METTL13: variants seen among roughly 807,000 people sequenced by gnomAD.
METTL13 encodes the protein eEF1A lysine and N-terminal methyltransferase.
Under a neutral mutation model 67.4 loss-of-function variants are expected in METTL13, and 52 were observed. The ratio of observed to expected loss-of-function variants is 0.77; its 90% CI spans 0.62 to 0.97. METTL13 has a LOEUF of 0.97. Among genes scored for constraint, METTL13 ranks in the 50% least tolerant of loss-of-function variants. METTL13 has a pLI of 0.00. For missense variants in METTL13, 825 were observed against 889.6 expected, an observed-to-expected ratio of 0.93 and a Z score of 0.92; for synonymous variants, 354 against 353.6, an observed-to-expected ratio of 1.00 and a Z score of -0.01.
chr1:171,782,176 A>C, intron 1 of METTL13, 56 bp downstream of exon 1: 1 of 1,492,094 alleles, frequency 6.7e-7, no homozygotes, highest in Admixed American at 1.7e-5. Flanking sequence ...GGGAACTGGT[A>C]ACAGGAATCT....
rs762636137 is a variant in METTL13, at chr1:171,784,145, G to A, written c.559G>A (p.Ala187Thr). Residue 187 changes from alanine to threonine, a missense_variant, in exon 2 of 8, where the codon GCC (alanine) becomes ACC (threonine). Coordinates refer to ENST00000361735, the MANE Select transcript of METTL13 (RefSeq NM_015935.5). ...GTGGATGGTGAGGGTGCACCAAGTG[G>A]CCAACAGCCAGGACCAGGTGTTGGA... is the stretch of plus-strand genomic sequence containing the variant. ...EGWMVRVHQV[A>T]NSQDQVLEAE... 7 of 1,614,124 alleles carry A rather than the reference G, an allele frequency of 4.3e-6. No individual in the cohort carries two copies. In the East Asian group the frequency reaches 1.3e-4, roughly 31 times the overall value.
intron 3 of METTL13, 96 bp downstream of exon 3, chr1:171,786,174 T>A: frequency 3.9e-6 from 5 of 1,282,330 alleles, no homozygotes; most frequent in Non-Finnish European, 5.3e-6. Context: ...GACTAGAGTC[T>A]GTGACTCTTC....
At chr1:171,788,513 C>T (rs1233894122) in intron 4 of METTL13, among the ~76,000 whole-genome samples, 1 of 152,150 alleles carries the variant, frequency 6.6e-6, no homozygotes, top group African/African-American at 2.4e-5. Flanking sequence ...ATTTATATTT[C>T]AACAGCCATA....
chr1:171,789,291 A>T (rs1657123710), intron 4 of METTL13, among the ~76,000 whole-genome samples: 1 of 152,220 alleles, frequency 6.6e-6, no homozygotes, highest in Admixed American at 6.5e-5. Context: ...AATGCAGCTG[A>T]TCCCTATGAA....
At chr1:171,786,178 A>G (rs1427151563) in intron 3 of METTL13, 100 bp downstream of exon 3, 1 of 1,253,162 alleles carries the variant, frequency 8.0e-7, no homozygotes, top group Non-Finnish European at 1.1e-6. Context: ...AGAGTCTGTG[A>G]CTCTTCATCT....
In METTL13 at chr1:171,794,461, T is replaced by G; in HGVS notation, c.1759T>G (p.Cys587Gly). ...DSKDPTLGMS[C>G]PPPAFVEQSF... Reference sequence around the variant, plus strand: ...TAAGGACCCAACACTGGGAATGAGTTGTCCGCCCCCAGCATTTGTGGAGCA... The same window carrying G: ...TAAGGACCCAACACTGGGAATGAGTGGTCCGCCCCCAGCATTTGTGGAGCA... The change falls in exon 7 of 8, where the codon TGT (cysteine) becomes GGT (glycine). Residue 587 changes from cysteine to glycine, a missense_variant. Physicochemically the swap from Cys to Gly is radical, Grantham distance 159 (BLOSUM62 -3). Transcript: ENST00000361735. 3.1e-6 allele frequency: 5 copies of G among 1,614,234 alleles called. No homozygotes were observed. Among genetic ancestry groups the G allele is most frequent in the Non-Finnish European group, 4.2e-6 (5 of 1,180,030 alleles).
chr1:171,786,170 AGTCTGT>A, intron 3 of METTL13, 92 bp downstream of exon 3: 1 of 1,315,206 alleles, frequency 7.6e-7, no homozygotes, highest in Non-Finnish European at 1.0e-6. Flanking sequence ...CTAGGACTAG[AGTCTGT>A]GACTCTTCAT....
intron 2 of METTL13, 70 bp downstream of exon 2, chr1:171,784,569 TG>T: frequency 7.2e-7 from 1 of 1,390,686 alleles, no homozygotes; most frequent in Non-Finnish European, 9.4e-7. Context: ...GGGCTGGGGC[TG>T]GGGCTGAGGC....
At chr1:171,782,928 G>T (rs576857081) in intron 1 of METTL13, among the ~76,000 whole-genome samples, 1 of 152,296 alleles carries the variant, frequency 6.6e-6, no homozygotes, top group East Asian at 1.9e-4. Context: ...ACATTTGTGG[G>T]GAAGCTTTAT....
chr1:171,787,974 C>G lies in METTL13; in HGVS notation c.1309+44C>G, dbSNP rs1657081723. 4 of 1,596,578 alleles carry G rather than the reference C, an allele frequency of 2.5e-6. No homozygotes were observed. The South Asian group carries it at 3.4e-5, about 13-fold the overall frequency. On this transcript the variant is annotated intron_variant, in intron 4 of 7. Transcript: ENST00000361735. ...AGTGGTGGGACCCAAGTGGCCGTGG[C>G]ATGGACTAGATTTCTTGGGAGCTTG...
rs761337698 is a variant in METTL13, at chr1:171,794,456, T to G, written c.1754T>G (p.Met585Arg). Residue 585 changes from methionine to arginine, a missense_variant, in exon 7 of 8, where the codon ATG (methionine) becomes AGG (arginine). By Grantham distance (91) the Met-to-Arg change is moderately conservative. Transcript: ENST00000361735. ...DVDSKDPTLG[M>R]SCPPPAFVEQ... ...GACAGTAAGGACCCAACACTGGGAA[T>G]GAGTTGTCCGCCCCCAGCATTTGTG... 84 of 1,614,108 alleles carry G rather than the reference T, an allele frequency of 5.2e-5. No individual in the cohort carries two copies. The highest frequency in any genetic ancestry group is 6.6e-5 in the Non-Finnish European group (78 of 1,180,040).
chr1:171,790,763 A>G, intron 5 of METTL13, 147 bp downstream of exon 5: 2 of 876,302 alleles, frequency 2.3e-6, no homozygotes, highest in Non-Finnish European at 3.2e-6. Flanking sequence ...TAAGTTAATG[A>G]GCATTCTAAT....
At chr1:171,788,732 CA>C in intron 4 of METTL13, among the ~76,000 whole-genome samples, 1 of 152,338 alleles carries the variant, frequency 6.6e-6, no homozygotes, top group South Asian at 2.1e-4. Context: ...GAATGCCCCT[CA>C]CCTCTCCGTC....
rs1234331120 is a variant in METTL13 at position 171,796,836 on chromosome 1, A to G, written c.*80A>G. The stretch of plus-strand genomic sequence containing the variant: ...CAGAGAATGAAGAAATACAACGCAC[A>G]GTACTTTTGAAGCTTCGTATTTTTC... On this transcript the variant is annotated 3_prime_UTR_variant, in exon 8 of 8. Transcript: ENST00000361735. The G allele has an allele frequency of 2.6e-6, 4 of 1,517,576 alleles. No individual in the cohort carries two copies. Among genetic ancestry groups the G allele is most frequent in the Non-Finnish European group, 3.5e-6 (4 of 1,129,562 alleles). 94.0% of individuals were successfully genotyped at this position (1,517,576 alleles called of 1,614,324 possible).
At chr1:171,787,955 G>A in intron 4 of METTL13, 25 bp downstream of exon 4, 1 of 1,609,710 alleles carries the variant, frequency 6.2e-7, no homozygotes, top group Non-Finnish European at 8.5e-7. Context: ...GCACAGTGGT[G>A]GGACCCAAGT....
Position 171,784,209 on chromosome 1 carries a change from T to C in METTL13, c.623T>C (p.Ile208Thr), listed in dbSNP as rs772528089. The C allele has an allele frequency of 6.2e-7, 1 of 1,614,126 alleles. No homozygotes were observed. Among genetic ancestry groups the C allele is most frequent in the East Asian group, 2.2e-5 (1 of 44,884 alleles). Reference protein sequence around the residue: ...PQFSLPVFAFIMTKFRPVPGS... With the variant: ...PQFSLPVFAFTMTKFRPVPGS... Reference sequence around the variant, plus strand: ...TTCTCCTTGCCTGTCTTTGCCTTCATCATGACCAAGTTCAGGCCAGTCCCT... The same window carrying C: ...TTCTCCTTGCCTGTCTTTGCCTTCACCATGACCAAGTTCAGGCCAGTCCCT... Residue 208 changes from isoleucine (I) to threonine (T), a missense_variant, in exon 2 of 8, where the codon ATC (isoleucine) becomes ACC (threonine). By Grantham distance (89) the Ile-to-Thr change is moderately conservative (BLOSUM62 -1). Coordinates refer to ENST00000361735, the MANE Select transcript of METTL13 (RefSeq NM_015935.5).
Position 171,796,940 on chromosome 1 carries a change from C to A in METTL13, c.*184C>A, listed in dbSNP as rs879061587. 4 of 735,914 alleles carry A rather than the reference C, an allele frequency of 5.4e-6. No homozygotes were observed. The highest frequency in any genetic ancestry group is 8.5e-6 in the Non-Finnish European group (4 of 468,068). The allele number at this position is 735,914 out of a possible 1,614,324, so 45.6% of individuals were successfully genotyped here. Reference sequence around the variant, plus strand: ...ATTAGGGAAAATAAAAATGTCCTTCCCATCTTGTCCTCTTCAGTACCACTT... The same window carrying A: ...ATTAGGGAAAATAAAAATGTCCTTCACATCTTGTCCTCTTCAGTACCACTT... On this transcript the variant is annotated 3_prime_UTR_variant, in exon 8 of 8. Transcript: ENST00000361735.
intron 6 of METTL13, among the ~76,000 whole-genome samples, chr1:171,794,038 T>A (rs987792044): frequency 5.9e-5 from 9 of 152,228 alleles, no homozygotes; most frequent in African/African-American, 2.2e-4. Context: ...GTAGTACACA[T>A]TAGAAGCTTC....
chr1:171,790,871 AG>A (rs1657183726), intron 5 of METTL13: 1 of 324,484 alleles, frequency 3.1e-6, no homozygotes, highest in Non-Finnish European at 5.5e-6. Flanking sequence ...TTTAAAATTA[AG>A]GTATATCATG....
Sources: gnomAD v4.1 joint callset for allele counts (sites outside exome capture counted in the v4.1 genomes callset) on GRCh38, gnomAD v4.1.1 for gene constraint, MANE v1.5 for transcripts, NCBI Gene and HGNC (gene_info 2026-07-23, HGNC 2026-07-21) for gene names.